CDH4: variants seen among roughly 807,000 people sequenced by gnomAD.
CDH4 encodes cadherin 4, also known as cadherin-4.
Under a neutral mutation model 86.0 loss-of-function variants are expected in CDH4, and 33 were observed. That is an observed-to-expected ratio of 0.38 (90% CI 0.29 to 0.51). CDH4 has a LOEUF of 0.51. Ranked by LOEUF, CDH4 falls within the 20% of genes least tolerant of loss-of-function variation. The pLI is 0.86. For missense variants in CDH4, 1,114 were observed against 1,307.4 expected, an observed-to-expected ratio of 0.85 and a Z score of 2.28; for synonymous variants, 555 against 549.4, an observed-to-expected ratio of 1.01 and a Z score of -0.14.
intron 3 of CDH4, among the ~76,000 whole-genome samples, chr20:61,766,622 T>C (rs1040775770): frequency 1.3e-5 from 2 of 152,194 alleles, no homozygotes; most frequent in African/African-American, 4.8e-5. Context: ...AAATAAATCC[T>C]GACTTGAGCA....
chr20:61,893,133 G>T (rs539379355), intron 7 of CDH4, among the ~76,000 whole-genome samples: 6 of 148,542 alleles, frequency 4.0e-5, no homozygotes, highest in African/African-American at 1.5e-4. Flanking sequence ...GGTGAATAGA[G>T]GGATAGATGG....
At chr20:61,731,401 C>T (rs1568783222) in intron 2 of CDH4, among the ~76,000 whole-genome samples, 1 of 152,178 alleles carries the variant, frequency 6.6e-6, no homozygotes. Context: ...CATGAGATCC[C>T]TGCCACCCCA....
At chr20:61,633,773 A>G (rs189752481) in intron 2 of CDH4, among the ~76,000 whole-genome samples, 10 of 152,332 alleles carry the variant, frequency 6.6e-5, no homozygotes, top group Non-Finnish European at 8.8e-5. Context: ...ATGCCCCTGC[A>G]CAGAGCTCAG....
intron 4 of CDH4, among the ~76,000 whole-genome samples, chr20:61,823,909 C>A (rs571108595): frequency 6.6e-6 from 1 of 152,248 alleles, no homozygotes; most frequent in African/African-American, 2.4e-5. Context: ...AGTGGGGCGG[C>A]TTTCTTTATG....
chr20:61,927,293 C>T (rs2055054974), intron 11 of CDH4, among the ~76,000 whole-genome samples: 1 of 152,184 alleles, frequency 6.6e-6, no homozygotes, highest in African/African-American at 2.4e-5. Flanking sequence ...TCTCTGTCCC[C>T]AGATTCCAGC....
At chr20:61,342,333 C>A (rs145460937) in intron 2 of CDH4, among the ~76,000 whole-genome samples, 124 of 152,320 alleles carry the variant, frequency 8.1e-4, no homozygotes, top group African/African-American at 2.7e-3. Flanking sequence ...CTCACCATGA[C>A]GTACAGTCAG....
intron 2 of CDH4, among the ~76,000 whole-genome samples, chr20:61,554,561 G>C (rs34070182): frequency 2.6e-5 from 4 of 152,242 alleles, no homozygotes; most frequent in Non-Finnish European, 4.4e-5. Flanking sequence ...CCCAGCCATG[G>C]AACTGGGATT....
intron 2 of CDH4, among the ~76,000 whole-genome samples, chr20:61,688,668 T>C (rs1600876139): frequency 1.3e-5 from 2 of 152,230 alleles, no homozygotes; most frequent in South Asian, 2.1e-4. Context: ...GCTATAACCA[T>C]GTGCATGCCG....
rs1483671488 is a variant in CDH4, at chr20:61,517,954, C to T, written c.170-225609C>T. Among the ~76,000 whole-genome samples, 2 of 152,152 alleles carry T rather than the reference C, an allele frequency of 1.3e-5. No individual in the cohort carries two copies. Among genetic ancestry groups the T allele is most frequent in the African/African-American group, 4.8e-5 (2 of 41,452 alleles). ...GCCAGACAGCTTCTGGGGCTGATTG[C>T]CCCTGGATGGGCCTCTCGTGTGGGG... On this transcript the variant is annotated intron_variant, in intron 2 of 15. Coordinates refer to ENST00000614565, the MANE Select transcript of CDH4 (RefSeq NM_001794.5). This position sits in a 1 kb window ranked among gnomAD's most constrained non-coding sequence, Gnocchi z 6.6.
At chr20:61,729,749 A>G (rs1052762989) in intron 2 of CDH4, among the ~76,000 whole-genome samples, 4 of 152,260 alleles carry the variant, frequency 2.6e-5, no homozygotes, top group Non-Finnish European at 4.4e-5. Flanking sequence ...GAAGAATCCC[A>G]TGGTATTTTC....
intron 2 of CDH4, among the ~76,000 whole-genome samples, chr20:61,402,009 A>T (rs901119888): frequency 2.0e-5 from 3 of 152,242 alleles, no homozygotes; most frequent in Admixed American, 1.3e-4. Flanking sequence ...GTGGTTGCTC[A>T]GATGTTGTTT....
intron 2 of CDH4, among the ~76,000 whole-genome samples, chr20:61,315,618 T>C (rs2084472006): frequency 1.3e-5 from 2 of 152,242 alleles, no homozygotes. Context: ...CTGTTCGTCA[T>C]GAGGCTCCCT....
chr20:61,550,081 C>T, intron 2 of CDH4, among the ~76,000 whole-genome samples: 1 of 151,672 alleles, frequency 6.6e-6, no homozygotes, highest in African/African-American at 2.4e-5. Flanking sequence ...AGCCTGCTTC[C>T]CTGGCCTCCC....
intron 11 of CDH4, among the ~76,000 whole-genome samples, chr20:61,925,408 C>T: frequency 6.6e-6 from 1 of 151,824 alleles, no homozygotes; most frequent in East Asian, 1.9e-4. Context: ...GCCTCAGTTT[C>T]CTCCTCTGCC....
chr20:61,565,060 T>TTTTGGTGGTGGTG (rs1568687892), intron 2 of CDH4, among the ~76,000 whole-genome samples: 5 of 122,866 alleles, frequency 4.1e-5, no homozygotes, highest in Admixed American at 2.5e-4. Flanking sequence ...CTGGTGGTGC[T>TTTTGGTGGTGGTG]CTTGGTGGTG....
chr20:61,742,323 G>A (rs1417909060), intron 2 of CDH4, among the ~76,000 whole-genome samples: 2 of 152,124 alleles, frequency 1.3e-5, no homozygotes, highest in Admixed American at 6.5e-5. Flanking sequence ...ATTTTCACAT[G>A]AAAATGTTTC....
At chr20:61,341,943 A>T (rs761656597) in intron 2 of CDH4, among the ~76,000 whole-genome samples, 2 of 152,116 alleles carry the variant, frequency 1.3e-5, no homozygotes, top group Non-Finnish European at 2.9e-5. Flanking sequence ...TGGAGCATGG[A>T]ATGCGGAGGA....
intron 2 of CDH4, among the ~76,000 whole-genome samples, chr20:61,648,731 C>A (rs1011765359): frequency 2.0e-5 from 3 of 152,202 alleles, no homozygotes; most frequent in African/African-American, 7.2e-5. Context: ...CCAAGTCAAA[C>A]CACCACTCTG....
At chr20:61,361,055 C>G (rs1386047752) in intron 2 of CDH4, among the ~76,000 whole-genome samples, 2 of 151,982 alleles carry the variant, frequency 1.3e-5, no homozygotes, top group Non-Finnish European at 2.9e-5. Context: ...ACAGGAGACT[C>G]AGGGAAAAGC....
Sources: allele counts gnomAD v4.1 joint callset (sites outside exome capture counted in the v4.1 genomes callset), GRCh38; gene constraint gnomAD v4.1.1; non-coding constraint Gnocchi (gnomAD v3.1); transcripts MANE v1.5; gene names NCBI Gene and HGNC (gene_info 2026-07-23, HGNC 2026-07-21).